Variants in GTF2IRD1 observed in about 807,000 individuals in gnomAD.
GTF2IRD1 encodes GTF2I repeat domain containing 1.
GTF2IRD1 carries 26 observed loss-of-function variants against 113.2 expected under a neutral mutation model. That is an observed-to-expected ratio of 0.23 (90% CI 0.17 to 0.32). GTF2IRD1 has a LOEUF of 0.32. Ranked by LOEUF, GTF2IRD1 falls within the 10% of genes least tolerant of loss-of-function variation. GTF2IRD1 has a pLI of 1.00. For synonymous variants in GTF2IRD1, 484 were observed against 529.1 expected, an observed-to-expected ratio of 0.91 and a Z score of 1.17; for missense variants, 864 against 1,280.8, an observed-to-expected ratio of 0.67 and a Z score of 4.97.
chr7:74,530,108 G>A lies in GTF2IRD1; in HGVS notation c.1274+191G>A, dbSNP rs144179664. Among the ~76,000 whole-genome samples, 697 of 152,208 alleles carry A rather than the reference G, an allele frequency of 4.6e-3. 8 individuals carry two copies. The highest frequency in any genetic ancestry group is 0.015 in the African/African-American group (627 of 41,532). On this transcript the variant is annotated intron_variant, in intron 9 of 26. Transcript: ENST00000424337. ...GCCTGTAATCCCAGCTACTTGGGAC[G>A]CTGAGGCAGGAGAATCTCTTGAACC...
chr7:74,598,982 C>T (rs1802584594), intron 25 of GTF2IRD1, among the ~76,000 whole-genome samples: 1 of 152,152 alleles, frequency 6.6e-6, no homozygotes, highest in Non-Finnish European at 1.5e-5. Flanking sequence ...CCAGCCTGCC[C>T]TTACTCTGTG....
At chr7:74,539,747 C>CA in intron 13 of GTF2IRD1, 132 bp from the exon 14 acceptor site, 1 of 603,256 alleles carries the variant, frequency 1.7e-6, no homozygotes, top group Non-Finnish European at 2.9e-6. Flanking sequence ...CCATCTCAAA[C>CA]CAAAAAAAAA....
intron 22 of GTF2IRD1, among the ~76,000 whole-genome samples, chr7:74,581,928 G>A (rs1328672495): frequency 6.6e-6 from 1 of 152,172 alleles, no homozygotes; most frequent in Non-Finnish European, 1.5e-5. Context: ...GATGGCTTCA[G>A]CTCAGGAGGC....
intron 22 of GTF2IRD1, among the ~76,000 whole-genome samples, chr7:74,580,384 C>T (rs1554365778): frequency 6.6e-6 from 1 of 152,068 alleles, no homozygotes; most frequent in African/African-American, 2.4e-5. Context: ...TGTGAATGGT[C>T]GTAATTACCA....
intron 1 of GTF2IRD1, among the ~76,000 whole-genome samples, chr7:74,470,994 G>A (rs1794049960): frequency 6.6e-6 from 1 of 152,100 alleles, no homozygotes. Flanking sequence ...TAGTAGAGAT[G>A]GGATTTCGCC....
intron 14 of GTF2IRD1, among the ~76,000 whole-genome samples, chr7:74,542,163 G>A (rs1208075736): frequency 6.6e-6 from 1 of 151,812 alleles, no homozygotes; most frequent in African/African-American, 2.4e-5. Context: ...GGAGGCCGAG[G>A]CAGGCAGATC....
At chr7:74,538,269 T>C in intron 12 of GTF2IRD1, 96 bp downstream of exon 12, 1 of 1,287,896 alleles carries the variant, frequency 7.8e-7, no homozygotes, top group Non-Finnish European at 1.1e-6. Context: ...ACTCAGCCCA[T>C]GAGCCTGGAG....
intron 14 of GTF2IRD1, among the ~76,000 whole-genome samples, chr7:74,544,475 C>T (rs1386990620): frequency 2.0e-5 from 3 of 152,208 alleles, no homozygotes; most frequent in African/African-American, 4.8e-5. Context: ...TGTGAGCCAC[C>T]GTGCCCAGCC....
intron 1 of GTF2IRD1, among the ~76,000 whole-genome samples, chr7:74,471,939 C>A (rs529609508): frequency 6.6e-6 from 1 of 152,242 alleles, no homozygotes; most frequent in Admixed American, 6.6e-5. Flanking sequence ...CTGCAGTGAG[C>A]CGAGATGGCG....
At chr7:74,494,418 C>T (rs1358915456) in intron 1 of GTF2IRD1, among the ~76,000 whole-genome samples, 1 of 152,220 alleles carries the variant, frequency 6.6e-6, no homozygotes, top group Non-Finnish European at 1.5e-5. Flanking sequence ...TCGGGCTTCC[C>T]ACGTGTCAGC....
At chr7:74,537,425 C>CA (rs1285667687) in intron 11 of GTF2IRD1, among the ~76,000 whole-genome samples, 6 of 150,680 alleles carry the variant, frequency 4.0e-5, no homozygotes, top group Non-Finnish European at 7.4e-5. Flanking sequence ...AAAAAAAAAA[C>CA]AAAAAAAACA....
chr7:74,524,630 C>T (rs587641032), intron 8 of GTF2IRD1, among the ~76,000 whole-genome samples: 108 of 152,294 alleles, frequency 7.1e-4, no homozygotes, highest in African/African-American at 2.5e-3. Context: ...CTTTGGGAGG[C>T]AGAGGCAGGC....
intron 22 of GTF2IRD1, among the ~76,000 whole-genome samples, chr7:74,563,005 A>G (rs1267406958): frequency 6.6e-6 from 1 of 152,204 alleles, no homozygotes; most frequent in African/African-American, 2.4e-5. Flanking sequence ...CCCCCAATGC[A>G]GAGTGGCAGA....
intron 6 of GTF2IRD1, 49 bp downstream of exon 6, chr7:74,519,768 A>G: frequency 7.4e-7 from 1 of 1,359,132 alleles, no homozygotes; most frequent in Non-Finnish European, 1.0e-6. Flanking sequence ...GACAGAGGTC[A>G]CTCATGCAGG....
At chr7:74,573,291 A>G (rs1331411973) in intron 22 of GTF2IRD1, among the ~76,000 whole-genome samples, 2 of 151,502 alleles carry the variant, frequency 1.3e-5, no homozygotes, top group East Asian at 3.9e-4. Flanking sequence ...AGTCCCAGCT[A>G]CTCAGGAGGT....
chr7:74,543,885 A>AAAC (rs1313486711), intron 14 of GTF2IRD1, among the ~76,000 whole-genome samples: 9 of 150,378 alleles, frequency 6.0e-5, no homozygotes, highest in East Asian at 4.1e-4. Flanking sequence ...AAAAAAAAAA[A>AAAC]AAAAAAAAAA....
At chr7:74,552,118 C>T (rs1381592629) in intron 17 of GTF2IRD1, among the ~76,000 whole-genome samples, 1 of 152,102 alleles carries the variant, frequency 6.6e-6, no homozygotes, top group Non-Finnish European at 1.5e-5. Context: ...AGGCGTGTGG[C>T]CCACGCCTGT....
chr7:74,503,610 G>T (rs943738152), intron 1 of GTF2IRD1, among the ~76,000 whole-genome samples: 1 of 152,164 alleles, frequency 6.6e-6, no homozygotes, highest in Admixed American at 6.6e-5. Flanking sequence ...TTAGCCAGGC[G>T]TGGTGGTGGG....
intron 22 of GTF2IRD1, among the ~76,000 whole-genome samples, chr7:74,570,036 A>C (rs376228153): frequency 6.6e-6 from 1 of 152,120 alleles, no homozygotes; most frequent in Non-Finnish European, 1.5e-5. Flanking sequence ...GAGCTGAGTC[A>C]GGAGCATTGA....
Sources: gnomAD v4.1 joint callset for allele counts (sites outside exome capture counted in the v4.1 genomes callset) on GRCh38, gnomAD v4.1.1 for gene constraint, MANE v1.5 for transcripts, NCBI Gene and HGNC (gene_info 2026-07-23, HGNC 2026-07-21) for gene names.